GKAP1: variants seen among roughly 807,000 people sequenced by gnomAD.
GKAP1 encodes G kinase anchoring protein 1, also known as G kinase-anchoring protein 1.
GKAP1 carries 31 observed loss-of-function variants against 56.7 expected under a neutral mutation model. That is an observed-to-expected ratio of 0.55 (90% CI 0.41 to 0.74). The LOEUF (loss-of-function observed/expected upper bound fraction) is 0.74, where lower values mean the gene tolerates loss of function less well. GKAP1 is among the 30% of genes least tolerant of loss of function. The pLI is 0.00. For synonymous variants in GKAP1, 151 were observed against 138.6 expected (o/e 1.09, Z -0.63); for missense variants, 364 against 402.3 (o/e 0.90, Z 0.82).
intron 2 of GKAP1, 59 bp from the exon 3 acceptor site, chr9:83,806,619 G>A: frequency 1.0e-6 from 1 of 957,658 alleles, no homozygotes; most frequent in Non-Finnish European, 1.6e-6. Context: ...ATCTGTTGTA[G>A]ATTCTAAAAC....
intron 7 of GKAP1, among the ~76,000 whole-genome samples, chr9:83,771,953 A>T (rs1943770133): frequency 6.8e-6 from 1 of 146,808 alleles, no homozygotes; most frequent in Non-Finnish European, 1.5e-5. Context: ...CACAAAGGGC[A>T]TTCTGTCCCT....
intron 7 of GKAP1, among the ~76,000 whole-genome samples, chr9:83,778,337 T>C (rs1943896604): frequency 6.6e-6 from 1 of 152,104 alleles, no homozygotes; most frequent in African/African-American, 2.4e-5. Flanking sequence ...AAACGTGGTA[T>C]ATATGCACCA....
intron 7 of GKAP1, among the ~76,000 whole-genome samples, chr9:83,779,468 CATATACATATACATACATATAT>C (rs1943920715): frequency 4.3e-5 from 4 of 93,480 alleles, no homozygotes; most frequent in African/African-American, 3.3e-5. Context: ...CACACACGCA[CATATACATATACATACATATAT>C]ACACATATAC....
At chr9:83,817,246 G>GC in intron 1 of GKAP1, 119 bp from the exon 2 acceptor site, 1 of 151,964 alleles carries the variant, frequency 6.6e-6, no homozygotes, top group East Asian at 2.0e-4. Flanking sequence ...CACTCGAGCG[G>GC]CCCCCACGGG....
At chr9:83,774,376 T>C (rs1268652930) in intron 7 of GKAP1, among the ~76,000 whole-genome samples, 3 of 151,136 alleles carry the variant, frequency 2.0e-5, no homozygotes, top group Non-Finnish European at 4.4e-5. Context: ...TCAAGGTAGG[T>C]GGATCACTTG....
intron 8 of GKAP1, 108 bp downstream of exon 8, chr9:83,768,710 C>G (rs1486604400): frequency 1.1e-6 from 1 of 912,688 alleles, no homozygotes; most frequent in African/African-American, 1.7e-5. Context: ...ATATCCTAAA[C>G]TACTACTTTA....
At chr9:83,779,744 T>C (rs1943940000) in intron 7 of GKAP1, among the ~76,000 whole-genome samples, 1 of 151,454 alleles carries the variant, frequency 6.6e-6, no homozygotes, top group Non-Finnish European at 1.5e-5. Context: ...GAAATTACCT[T>C]AAAAGATAAA....
intron 3 of GKAP1, among the ~76,000 whole-genome samples, chr9:83,801,349 G>C (rs1421521680): frequency 1.3e-5 from 2 of 151,012 alleles, no homozygotes; most frequent in African/African-American, 4.9e-5. Flanking sequence ...CTAGACTCCA[G>C]AACTGTGAAA....
At chr9:83,779,553 A>ATGTGTATATATATATACACGTG (rs1263158887) in intron 7 of GKAP1, among the ~76,000 whole-genome samples, 1 of 27,678 alleles carries the variant, frequency 3.6e-5, no homozygotes, top group Non-Finnish European at 9.8e-5. Context: ...ATACACGTGT[A>ATGTGTATATATATATACACGTG]TATGTGTATA....
intron 3 of GKAP1, among the ~76,000 whole-genome samples, chr9:83,804,962 G>T (rs1944413330): frequency 6.6e-6 from 1 of 152,190 alleles, no homozygotes; most frequent in African/African-American, 2.4e-5. Context: ...CCCCATCTGG[G>T]AGGTGTACCC....
intron 9 of GKAP1, among the ~76,000 whole-genome samples, chr9:83,752,175 GAGC>G (rs763865385): frequency 1.3e-5 from 2 of 152,180 alleles, no homozygotes; most frequent in African/African-American, 2.4e-5. Flanking sequence ...AGGCCAAGGC[GAGC>G]AGATCACAAG....
chr9:83,759,678 A>C (rs1455752752), intron 8 of GKAP1, among the ~76,000 whole-genome samples: 3 of 152,132 alleles, frequency 2.0e-5, no homozygotes, highest in African/African-American at 7.2e-5. Context: ...GGTCATGCCC[A>C]TTATCTTCAA....
chr9:83,768,632 A>G (rs992754248), intron 8 of GKAP1, among the ~76,000 whole-genome samples, 186 bp downstream of exon 8: 1 of 152,224 alleles, frequency 6.6e-6, no homozygotes, highest in Non-Finnish European at 1.5e-5. Flanking sequence ...TGAATGAACT[A>G]GTCATACAGT....
At chr9:83,805,656 T>C (rs560074605) in intron 3 of GKAP1, among the ~76,000 whole-genome samples, 1 of 152,248 alleles carries the variant, frequency 6.6e-6, no homozygotes, top group African/African-American at 2.4e-5. Context: ...TATACATACA[T>C]GTATATATTC....
intron 2 of GKAP1, 36 bp from the exon 3 acceptor site, chr9:83,806,596 C>T: frequency 1.7e-6 from 2 of 1,148,542 alleles, no homozygotes; most frequent in African/African-American, 1.6e-5. Context: ...GATGGGTAAA[C>T]AAACAGAGTA....
chr9:83,743,796 G>A (rs1587685481), intron 10 of GKAP1, among the ~76,000 whole-genome samples: 1 of 151,886 alleles, frequency 6.6e-6, no homozygotes, highest in Non-Finnish European at 1.5e-5. Flanking sequence ...TTTTTCTAGA[G>A]GCTTCTCTCT....
At chr9:83,807,913 G>A (rs892540739) in intron 2 of GKAP1, among the ~76,000 whole-genome samples, 7 of 152,196 alleles carry the variant, frequency 4.6e-5, no homozygotes, top group Non-Finnish European at 1.0e-4. Flanking sequence ...GAAGAAAAAT[G>A]AGAAGTATGT....
intron 2 of GKAP1, among the ~76,000 whole-genome samples, chr9:83,808,199 T>C (rs1944464695): frequency 6.6e-6 from 1 of 152,216 alleles, no homozygotes. Context: ...AACGAATGCT[T>C]CATAAGTTAC....
At chr9:83,784,861 ATTAAG>A (rs775712946) in intron 5 of GKAP1, 23 bp from the exon 6 acceptor site, 1 of 1,500,678 alleles carries the variant, frequency 6.7e-7, no homozygotes, top group Non-Finnish European at 9.0e-7. Flanking sequence ...ACCAACAACA[ATTAAG>A]TTCAGTTTAC....
Sources: allele counts gnomAD v4.1 joint callset (sites outside exome capture counted in the v4.1 genomes callset), GRCh38; gene constraint gnomAD v4.1.1; transcripts MANE v1.5; gene names NCBI Gene and HGNC (gene_info 2026-07-23, HGNC 2026-07-21).